Variants in ADAMTSL1 observed in about 807,000 individuals in gnomAD.
The protein encoded by ADAMTSL1 is ADAMTS like 1.
In ADAMTSL1, 126 loss-of-function variants were observed where a neutral mutation model predicts 201.8. The ratio of observed to expected loss-of-function variants is 0.62; its 90% CI spans 0.54 to 0.72. ADAMTSL1 has a LOEUF of 0.72. Ranked by LOEUF, ADAMTSL1 falls within the 30% of genes least tolerant of loss-of-function variation. The probability of loss-of-function intolerance (pLI) is 0.00; values close to 1 mark genes in which losing one functional copy is unlikely to be tolerated. For synonymous variants in ADAMTSL1, 1,121 were observed against 903.4 expected, an observed-to-expected ratio of 1.24 and a Z score of -4.32; for missense variants, 2,679 against 2,277.8, an observed-to-expected ratio of 1.18 and a Z score of -3.59.
At chr9:18,167,587 G>A (rs758853586) in intron 2 of ADAMTSL1, among the ~76,000 whole-genome samples, 1 of 151,892 alleles carries the variant, frequency 6.6e-6, no homozygotes, top group Non-Finnish European at 1.5e-5. Flanking sequence ...TATTTTCTCC[G>A]TTAGTTGGCT....
At chr9:18,318,830 A>T (rs928735823) in intron 2 of ADAMTSL1, among the ~76,000 whole-genome samples, 1 of 152,166 alleles carries the variant, frequency 6.6e-6, no homozygotes, top group Non-Finnish European at 1.5e-5. Flanking sequence ...AAAGGATATT[A>T]TATGCCAAGC....
At chr9:18,255,925 G>T (rs1831665313) in intron 2 of ADAMTSL1, among the ~76,000 whole-genome samples, 2 of 152,180 alleles carry the variant, frequency 1.3e-5, no homozygotes, top group Admixed American at 1.3e-4. Context: ...TCTGATTGTG[G>T]TCTTGTTTCT....
At chr9:17,968,187 A>G (rs1588493363) in intron 1 of ADAMTSL1, among the ~76,000 whole-genome samples, 1 of 152,040 alleles carries the variant, frequency 6.6e-6, no homozygotes, top group Non-Finnish European at 1.5e-5. Context: ...CAGGTTCATG[A>G]TCTCTTTATC....
chr9:18,069,143 C>T lies in ADAMTSL1; in HGVS notation c.88-94719C>T, dbSNP rs960076795. ...TGTAAGCTATCTGGCAGCTGAAATA[C>T]GGTGTCTGAATTAGGATGTGCTTTA... On this transcript the variant is annotated intron_variant, in intron 1 of 29. Transcript: ENST00000680146. Among the ~76,000 whole-genome samples the T allele has an allele frequency of 5.3e-5, 8 of 152,110 alleles. No homozygotes were observed. In the South Asian group the frequency reaches 6.2e-4, roughly 12 times the overall value.
chr9:17,961,836 G>A (rs1451626263), intron 1 of ADAMTSL1, among the ~76,000 whole-genome samples: 1 of 152,076 alleles, frequency 6.6e-6, no homozygotes. Context: ...AGCATGGTGT[G>A]GTCACCACAG....
At chr9:18,195,082 T>C (rs1829121951) in intron 2 of ADAMTSL1, among the ~76,000 whole-genome samples, 2 of 152,172 alleles carry the variant, frequency 1.3e-5, no homozygotes, top group South Asian at 2.1e-4. Context: ...ACCCTTAATA[T>C]GGTACCTGTC....
intron 2 of ADAMTSL1, among the ~76,000 whole-genome samples, chr9:18,261,192 C>T (rs1361838130): frequency 1.3e-5 from 2 of 151,868 alleles, no homozygotes; most frequent in African/African-American, 4.8e-5. Flanking sequence ...ATTTCTGTGG[C>T]CACAGGACAG....
intron 2 of ADAMTSL1, among the ~76,000 whole-genome samples, chr9:18,208,700 A>G (rs76547872): frequency 0.016 from 2,385 of 152,300 alleles, 67 homozygotes; most frequent in African/African-American, 0.053. Flanking sequence ...GCAAGTGTGG[A>G]GTTGGGACTG....
chr9:18,157,548 C>G (rs923953097), intron 1 of ADAMTSL1, among the ~76,000 whole-genome samples: 3 of 151,990 alleles, frequency 2.0e-5, no homozygotes, highest in Non-Finnish European at 4.4e-5. Context: ...CAGACCCGAA[C>G]TAAGCAGGAA....
intron 2 of ADAMTSL1, among the ~76,000 whole-genome samples, chr9:18,346,401 G>A (rs1388721650): frequency 1.3e-5 from 2 of 152,086 alleles, no homozygotes; most frequent in South Asian, 2.1e-4. Flanking sequence ...TTGGAGCTGG[G>A]CAGTCTGGGT....
At chr9:18,169,968 G>A (rs571919658) in intron 2 of ADAMTSL1, among the ~76,000 whole-genome samples, 19 of 152,056 alleles carry the variant, frequency 1.2e-4, no homozygotes, top group African/African-American at 4.6e-4. Context: ...TCTACCTTGG[G>A]CAAATACAGG....
At chr9:18,212,849 A>T (rs767263295) in intron 2 of ADAMTSL1, among the ~76,000 whole-genome samples, 6 of 152,142 alleles carry the variant, frequency 3.9e-5, no homozygotes, top group Middle Eastern at 3.4e-3. Context: ...TTCCCCACAA[A>T]TTTTTTCCCC....
At chr9:18,743,036 C>T (rs1190806839) in intron 15 of ADAMTSL1, among the ~76,000 whole-genome samples, 2 of 152,268 alleles carry the variant, frequency 1.3e-5, no homozygotes, top group South Asian at 4.1e-4. Flanking sequence ...AGATCATCTA[C>T]CCTACTAATT....
chr9:18,710,661 GTTTTGTTTTGTTTT>G (rs1236928706), intron 14 of ADAMTSL1, among the ~76,000 whole-genome samples: 5 of 79,644 alleles, frequency 6.3e-5, no homozygotes, highest in East Asian at 8.1e-4. Context: ...AAGGGCCTAA[GTTTTGTTTTGTTTT>G]TTTTTTTTTT....
chr9:18,325,832 C>T (rs183071665), intron 2 of ADAMTSL1, among the ~76,000 whole-genome samples: 1 of 152,146 alleles, frequency 6.6e-6, no homozygotes, highest in African/African-American at 2.4e-5. Flanking sequence ...CCTCCGCCCC[C>T]AGGATTCAAG....
chr9:18,773,257 T>G (rs1411087215), intron 17 of ADAMTSL1, among the ~76,000 whole-genome samples: 2 of 152,184 alleles, frequency 1.3e-5, no homozygotes, highest in Non-Finnish European at 2.9e-5. Flanking sequence ...TCAAATAAAA[T>G]TACTTACAGA....
At chr9:17,978,017 C>T in intron 1 of ADAMTSL1, among the ~76,000 whole-genome samples, 1 of 152,046 alleles carries the variant, frequency 6.6e-6, no homozygotes, top group East Asian at 1.9e-4. Context: ...TGTTTCTATT[C>T]TCTTGATTAA....
intron 13 of ADAMTSL1, among the ~76,000 whole-genome samples, chr9:18,691,243 A>G (rs1237851327): frequency 1.3e-5 from 2 of 152,368 alleles, no homozygotes; most frequent in East Asian, 3.9e-4. Flanking sequence ...AAAATATCAG[A>G]TAGTTAAGCT....
At chr9:18,369,616 C>T (rs1218606910) in intron 2 of ADAMTSL1, among the ~76,000 whole-genome samples, 2 of 152,166 alleles carry the variant, frequency 1.3e-5, no homozygotes, top group East Asian at 3.9e-4. Context: ...ACCCATCTAT[C>T]CTACTACTGT....
Sources: allele counts gnomAD v4.1 joint callset (sites outside exome capture counted in the v4.1 genomes callset), GRCh38; gene constraint gnomAD v4.1.1; transcripts MANE v1.5; gene names NCBI Gene and HGNC (gene_info 2026-07-23, HGNC 2026-07-21).